Variants in LCLAT1 observed in about 807,000 individuals in gnomAD.
LCLAT1 encodes the protein 1-AGP acyltransferase 8.
In LCLAT1, 11 loss-of-function variants were observed where a neutral mutation model predicts 30.7. That is an observed-to-expected ratio of 0.36 (90% CI 0.23 to 0.59). The LOEUF is 0.59. Ranked by LOEUF, LCLAT1 falls within the 20% of genes least tolerant of loss-of-function variation. The probability of loss-of-function intolerance (pLI) is 0.77; values close to 1 mark genes in which losing one functional copy is unlikely to be tolerated. For missense variants in LCLAT1, 402 were observed against 458.6 expected (o/e 0.88, Z 1.13); for synonymous variants, 155 against 151.3 (o/e 1.02, Z -0.18).
At chr2:30,488,320 C>A (rs1401045019) in intron 1 of LCLAT1, among the ~76,000 whole-genome samples, 6 of 152,196 alleles carry the variant, frequency 3.9e-5, no homozygotes, top group Non-Finnish European at 7.3e-5. Context: ...CATGTGTGTG[C>A]AATCTTCATA....
chr2:30,579,090 T>C (rs1223512909), intron 5 of LCLAT1, among the ~76,000 whole-genome samples: 1 of 152,192 alleles, frequency 6.6e-6, no homozygotes, highest in Non-Finnish European at 1.5e-5. Flanking sequence ...GTTCCTTTTG[T>C]AATTCAAGGA....
intron 1 of LCLAT1, among the ~76,000 whole-genome samples, chr2:30,494,948 G>A (rs1373776359): frequency 1.4e-5 from 2 of 147,360 alleles, no homozygotes; most frequent in Non-Finnish European, 3.0e-5. Context: ...ATTTCATGAA[G>A]TGTGATTTTT....
chr2:30,454,419 C>T (rs1258756689), intron 1 of LCLAT1, among the ~76,000 whole-genome samples: 3 of 152,038 alleles, frequency 2.0e-5, no homozygotes, highest in African/African-American at 7.2e-5. Context: ...ATGAGAGTAA[C>T]TGCAGATTTA....
Position 30,644,159 on chromosome 2 carries a change from G to A in LCLAT1, c.*3540G>A, listed in dbSNP as rs569879277. 1.3e-5 allele frequency: 2 copies of A among 152,126 alleles called. No individual in the cohort carries two copies. Among genetic ancestry groups the A allele is most frequent in the African/African-American group, 2.4e-5 (1 of 41,488 alleles). The allele number at this position is 152,126 out of a possible 1,614,324, so 9.4% of individuals were successfully genotyped here. On this transcript the variant is annotated 3_prime_UTR_variant, in exon 6 of 6. Coordinates refer to ENST00000379509, the MANE Select transcript of LCLAT1 (RefSeq NM_001002257.3). ...ATGGCCTTAGTTTTCAATGTCTGAT[G>A]GTATATTTGTGAGTTGTGTTATCTG...
chr2:30,591,719 T>C (rs1666699781), intron 5 of LCLAT1, among the ~76,000 whole-genome samples: 1 of 152,200 alleles, frequency 6.6e-6, no homozygotes, highest in South Asian at 2.1e-4. Flanking sequence ...GCCCACAGTC[T>C]ATTAAGGGAG....
chr2:30,585,390 C>A (rs1666388629), intron 5 of LCLAT1, among the ~76,000 whole-genome samples: 1 of 152,214 alleles, frequency 6.6e-6, no homozygotes, highest in African/African-American at 2.4e-5. Context: ...GCCTTCATTT[C>A]ACTGGAGAGG....
intron 5 of LCLAT1, among the ~76,000 whole-genome samples, chr2:30,599,373 A>AGT (rs980289434): frequency 3.9e-5 from 6 of 152,168 alleles, no homozygotes; most frequent in Admixed American, 1.3e-4. Flanking sequence ...CTTGCTGAGG[A>AGT]GTGTTTTACT....
Position 30,505,725 on chromosome 2 carries a change from A to G in LCLAT1, c.-4-19862A>G, listed in dbSNP as rs1360645603. On this transcript the variant is annotated intron_variant, in intron 1 of 5. Transcript: ENST00000379509. ...CCTCCCAAGGATAACCATTACTCGT[A>G]CTTGTAACGTTATAATGTAGCTTAT... Among the ~76,000 whole-genome samples the G allele has an allele frequency of 2.0e-5, 3 of 151,962 alleles. No homozygotes were observed. The East Asian group carries it at 5.8e-4, about 29-fold the overall frequency.
rs67960987 is a variant in LCLAT1, at chr2:30,641,887, CTTTT to C, written c.*1273_*1276del. On this transcript the variant is annotated 3_prime_UTR_variant, in exon 6 of 6. Coordinates refer to ENST00000379509, the MANE Select transcript of LCLAT1 (RefSeq NM_001002257.3). ...ATTTTCACTCTGTTGGAGCTGCACA[CTTTT>C]TTTTCTTTTTTTTTTTCTTTTTTTT... 1.5e-5 allele frequency: 2 copies of C among 129,248 alleles called. No individual in the cohort carries two copies. Among genetic ancestry groups the C allele is most frequent in the South Asian group, 5.3e-4 (2 of 3,808 alleles). The allele number at this position is 129,248 out of a possible 1,614,324, so 8.0% of individuals were successfully genotyped here.
At chr2:30,552,923 C>T (rs534282854) in intron 3 of LCLAT1, among the ~76,000 whole-genome samples, 1 of 152,298 alleles carries the variant, frequency 6.6e-6, no homozygotes, top group African/African-American at 2.4e-5. Flanking sequence ...GTTGCATCCA[C>T]ATCGTTTATT....
intron 5 of LCLAT1, among the ~76,000 whole-genome samples, chr2:30,615,571 C>CTA (rs1667956507): frequency 6.6e-6 from 1 of 152,194 alleles, no homozygotes; most frequent in Non-Finnish European, 1.5e-5. Flanking sequence ...AGGACTCCCA[C>CTA]TAGCCTTCAT....
intron 1 of LCLAT1, among the ~76,000 whole-genome samples, chr2:30,457,366 G>T (rs829578): frequency 0.75 from 113,671 of 152,112 alleles, 43,215 homozygotes; most frequent in East Asian, 0.87. Flanking sequence ...TTACTGAATA[G>T]CTTCAGTGGA....
intron 1 of LCLAT1, among the ~76,000 whole-genome samples, chr2:30,521,782 G>C (rs1407125426): frequency 1.3e-5 from 2 of 151,848 alleles, no homozygotes; most frequent in East Asian, 1.9e-4. Flanking sequence ...TGGGATTACA[G>C]GCATGAGCCA....
At chr2:30,466,237 T>C (rs935412662) in intron 1 of LCLAT1, among the ~76,000 whole-genome samples, 4 of 148,126 alleles carry the variant, frequency 2.7e-5, no homozygotes, top group African/African-American at 9.8e-5. Flanking sequence ...TTTTTTTCTT[T>C]TCTTTTCTTT....
intron 4 of LCLAT1, 104 bp downstream of exon 4, chr2:30,562,396 T>G: frequency 3.4e-6 from 3 of 891,060 alleles, no homozygotes; most frequent in Non-Finnish European, 4.9e-6. Context: ...CTCTTCCAGG[T>G]GTGGTGGTCC....
At chr2:30,595,435 C>T (rs899961256) in intron 5 of LCLAT1, among the ~76,000 whole-genome samples, 13 of 151,954 alleles carry the variant, frequency 8.6e-5, no homozygotes, top group Non-Finnish European at 1.6e-4. Context: ...CCACCATATT[C>T]CTATTCTGCT....
chr2:30,530,583 C>T (rs1340919378), intron 2 of LCLAT1, among the ~76,000 whole-genome samples: 1 of 152,174 alleles, frequency 6.6e-6, no homozygotes, highest in Non-Finnish European at 1.5e-5. Flanking sequence ...ACTACATTCT[C>T]TTGCCCAGCT....
chr2:30,639,857 G>T (rs536824303), intron 5 of LCLAT1, among the ~76,000 whole-genome samples: 8 of 152,210 alleles, frequency 5.3e-5, no homozygotes, highest in African/African-American at 1.7e-4. Context: ...TTTTAGAATG[G>T]CAGATTACTG....
At chr2:30,543,134 G>T (rs1664231237) in intron 3 of LCLAT1, among the ~76,000 whole-genome samples, 1 of 151,920 alleles carries the variant, frequency 6.6e-6, no homozygotes, top group South Asian at 2.1e-4. Flanking sequence ...AGGTTGAGGA[G>T]TTCCCTTCTA....
Sources: gnomAD v4.1 joint callset for allele counts (sites outside exome capture counted in the v4.1 genomes callset) on GRCh38, gnomAD v4.1.1 for gene constraint, MANE v1.5 for transcripts, NCBI Gene and HGNC (gene_info 2026-07-23, HGNC 2026-07-21) for gene names.